Variants in NRP2 observed in about 807,000 individuals in gnomAD.
The protein encoded by NRP2 is neuropilin 2, also known as neuropilin-2.
NRP2 carries 52 observed loss-of-function variants against 110.4 expected under a neutral mutation model. The ratio of observed to expected loss-of-function variants is 0.47; its 90% confidence interval spans 0.38 to 0.59. The LOEUF is 0.59. Among genes scored for constraint, NRP2 ranks in the 20% least tolerant of loss-of-function variants. NRP2 has a pLI of 0.00. For synonymous variants in NRP2, 508 were observed against 468.9 expected, an observed-to-expected ratio of 1.08 and a Z score of -1.08; for missense variants, 1,049 against 1,203.0, an observed-to-expected ratio of 0.87 and a Z score of 1.89.
In NRP2 at chr2:205,766,772, GT is replaced by G. The variant is rs533692566; in HGVS notation, c.2405-4del. Reference sequence around the variant, plus strand: ...TTTAACTAAGTCCAATTTTTTGTTTGTTTTTTTCAGAACCCATCTCGGCTTT... The same window carrying G: ...TTTAACTAAGTCCAATTTTTTGTTTGTTTTTTCAGAACCCATCTCGGCTTT... On this transcript the variant is annotated splice_polypyrimidine_tract_variant and intron_variant, in intron 14 of 16. Coordinates refer to ENST00000357785, the MANE Select transcript of NRP2 (RefSeq NM_003872.3). The G allele has an allele frequency of 2.5e-6, 4 of 1,612,194 alleles. No homozygotes were observed. The East Asian group carries it at 6.7e-5, about 27-fold the overall frequency.
In NRP2 at chr2:205,764,006, T is replaced by C. The variant is rs145718247; in HGVS notation, c.2307+70T>C. On this transcript the variant is annotated intron_variant, in intron 13 of 16. Coordinates refer to ENST00000357785, the MANE Select transcript of NRP2 (RefSeq NM_003872.3). ...TTCAAGGGCCGAGCCCATTCATCGT[T>C]AGGGAACGTGGTTAAGCGCTACTGT... The C allele has an allele frequency of 4.2e-3, 6,701 of 1,588,256 alleles. 57 individuals carry two copies. Among genetic ancestry groups the C allele is most frequent in the Non-Finnish European group, 3.5e-3 (4,030 of 1,161,976 alleles).
chr2:205,781,503 T>A (rs2058173401), intron 15 of NRP2, among the ~76,000 whole-genome samples: 1 of 152,242 alleles, frequency 6.6e-6, no homozygotes. Flanking sequence ...CAGTGTTTAT[T>A]TTCCTTGCCC....
chr2:205,703,038 T>C (rs905466496), intron 2 of NRP2, among the ~76,000 whole-genome samples: 2 of 152,254 alleles, frequency 1.3e-5, no homozygotes, highest in Non-Finnish European at 2.9e-5. Context: ...GCACAAAGCA[T>C]GTACTTCATA....
chr2:205,738,017 T>C lies in NRP2; in HGVS notation c.1147-2502T>C, dbSNP rs1011031017. On this transcript the variant is annotated intron_variant, in intron 7 of 16. Transcript: ENST00000357785. Reference sequence around the variant, plus strand: ...GTCCAAATACACAATCATTTACTCATTGAGGAAAGAAAAGGTCTCTTAGCG... The same window carrying C: ...GTCCAAATACACAATCATTTACTCACTGAGGAAAGAAAAGGTCTCTTAGCG... Among the ~76,000 whole-genome samples the C allele has an allele frequency of 1.4e-4, 21 of 152,332 alleles. No individual in the cohort carries two copies. The South Asian group carries it at 3.1e-3, about 23-fold the overall frequency.
intron 16 of NRP2, 127 bp from the exon 17 acceptor site, chr2:205,794,627 C>A (rs896740147): frequency 3.1e-6 from 3 of 969,300 alleles, no homozygotes; most frequent in Non-Finnish European, 3.3e-6. Flanking sequence ...TGAACCCAGG[C>A]AGTCTAATTC....
Position 205,722,507 on chromosome 2 carries a change from A to G in NRP2, c.463A>G (p.Ser155Gly), listed in dbSNP as rs1277983095. The G allele has an allele frequency of 1.9e-6, 3 of 1,614,080 alleles. No homozygotes were observed. Among genetic ancestry groups the G allele is most frequent in the Non-Finnish European group, 2.5e-6 (3 of 1,180,034 alleles). ...GSEDCSKNFT[S>G]PNGTIESPGF... is the part of the protein sequence containing the mutation. ...TGAAGATTGCTCAAAAAACTTCACA[A>G]GCCCCAACGGGACCATCGAATCTCC... Residue 155 changes from serine (S) to glycine (G), a missense_variant, in exon 4 of 17, where the codon AGC (serine) becomes GGC (glycine). Transcript: ENST00000357785.
chr2:205,767,613 G>T, intron 15 of NRP2: 2 of 302,428 alleles, frequency 6.6e-6, no homozygotes, highest in South Asian at 2.6e-5. Context: ...TTGGGTGATG[G>T]CAATGTTGTT....
rs917315149 is a variant in NRP2, at chr2:205,763,963, T to C, written c.2307+27T>C. 3.1e-6 allele frequency: 5 copies of C among 1,613,314 alleles called. No homozygotes were observed. In the African/African-American group the frequency reaches 6.7e-5, roughly 22 times the overall value. ...TGGGGTGAGCAAAAAGGGAATCTTG[T>C]GATCCGTATTTCAATATTTCAAGGG... is the stretch of plus-strand genomic sequence containing the variant. On this transcript the variant is annotated intron_variant, in intron 13 of 16. Transcript: ENST00000357785. The surrounding 1 kb of genome is among the most constrained non-coding windows in gnomAD (Gnocchi z 4.0).
At position 205,697,650 on chromosome 2, in the gene NRP2, C is replaced by T. The variant is rs183290527; in HGVS notation, c.180C>T (p.Tyr60=). 4.3e-5 allele frequency: 70 copies of T among 1,613,986 alleles called. No homozygotes were observed. The highest frequency in any genetic ancestry group is 2.0e-4 in the East Asian group (9 of 44,874). ...ACCAGAACTGCGAGTGGATTGTTTA[C>T]GCCCCCGAACCCAACCAGAAGATTG... ...PSHQNCEWIV[Y]APEPNQKIVL... The change falls in exon 2 of 17, where the codon TAC becomes TAT. Residue 60 remains tyrosine (Y), a synonymous_variant. Transcript: ENST00000357785.
intron 15 of NRP2, among the ~76,000 whole-genome samples, chr2:205,784,375 C>A (rs2058212761): frequency 1.3e-5 from 2 of 152,166 alleles, no homozygotes; most frequent in Non-Finnish European, 1.5e-5. Flanking sequence ...TTGCTGCCAC[C>A]CAGGGCCTGC....
chr2:205,736,271 G>A (rs2057340786), intron 7 of NRP2, among the ~76,000 whole-genome samples: 2 of 152,148 alleles, frequency 1.3e-5, no homozygotes, highest in Admixed American at 1.3e-4. Context: ...GAAACCGGGA[G>A]GCAGAGGTTG....
intron 2 of NRP2, among the ~76,000 whole-genome samples, chr2:205,713,219 C>T (rs1427438485): frequency 1.3e-5 from 2 of 152,142 alleles, no homozygotes; most frequent in African/African-American, 4.8e-5. Context: ...ATGAACAAGC[C>T]AGTGGGATGG....
intron 3 of NRP2, chr2:205,722,172 TAC>T (rs10646445): frequency 0.5 from 139,918 of 279,268 alleles, 22,154 homozygotes; most frequent in Non-Finnish European, 0.54. Flanking sequence ...CTCTCTCTCA[TAC>T]ACACACACAC....
At position 205,728,023 on chromosome 2, in the gene NRP2, T is replaced by G; in HGVS notation, c.1123T>G (p.Tyr375Asp). The change falls in exon 7 of 17, where the codon TAC becomes GAC. Residue 375 changes from tyrosine (Y) to aspartate (D), a missense_variant. Physicochemically the swap from Tyr to Asp is radical, Grantham distance 160 (BLOSUM62 -3). Coordinates refer to ENST00000357785, the MANE Select transcript of NRP2 (RefSeq NM_003872.3). ...VSTNGEDWMV[Y>D]RHGKNHKVFQ... ...CACTAATGGAGAGGACTGGATGGTG[T>G]ACCGGCATGGCAAAAACCACAAGGT... is the stretch of plus-strand genomic sequence containing the variant. The G allele has an allele frequency of 6.2e-7, 1 of 1,614,152 alleles. No homozygotes were observed. Among genetic ancestry groups the G allele is most frequent in the Non-Finnish European group, 8.5e-7 (1 of 1,180,034 alleles).
chr2:205,767,145 C>CA (rs60081325), intron 15 of NRP2: 58,700 of 260,060 alleles, frequency 0.23, 4,413 homozygotes, highest in East Asian at 0.28. Context: ...AAGACTGAAC[C>CA]AAAAAAAAAA....
At chr2:205,755,698 G>C (rs1460184796) in intron 12 of NRP2, among the ~76,000 whole-genome samples, 1 of 152,164 alleles carries the variant, frequency 6.6e-6, no homozygotes, top group Non-Finnish European at 1.5e-5. Context: ...CTGCTAATGG[G>C]TTCAGAGCGG....
intron 15 of NRP2, chr2:205,768,617 TAAAAA>T (rs1160762880): frequency 6.6e-6 from 1 of 152,218 alleles, no homozygotes; most frequent in African/African-American, 2.4e-5. Context: ...TGCTCTCTTG[TAAAAA>T]ATATATACAT....
At chr2:205,722,165 TCTCTCATA>T (rs1228522234) in intron 3 of NRP2, 38 of 337,574 alleles carry the variant, frequency 1.1e-4, no homozygotes, top group African/African-American at 8.6e-4. Flanking sequence ...TCTCTCTCTC[TCTCTCATA>T]CACACACACA....
chr2:205,755,636 C>T (rs1234566260), intron 12 of NRP2, among the ~76,000 whole-genome samples: 5 of 151,674 alleles, frequency 3.3e-5, no homozygotes, highest in Non-Finnish European at 7.4e-5. Flanking sequence ...GGGGGAGGCC[C>T]TGAGGGGATT....
Sources: gnomAD v4.1 joint callset for allele counts (sites outside exome capture counted in the v4.1 genomes callset) on GRCh38, gnomAD v4.1.1 for gene constraint, Gnocchi (gnomAD v3.1) non-coding constraint, MANE v1.5 for transcripts, NCBI Gene and HGNC (gene_info 2026-07-23, HGNC 2026-07-21) for gene names.